ADAMTS12: variants seen among roughly 807,000 people sequenced by gnomAD.
The protein encoded by ADAMTS12 is ADAM metallopeptidase with thrombospondin type 1 motif 12.
A neutral mutation model predicts 167.8 loss-of-function variants in ADAMTS12; 118 were observed. The observed-to-expected ratio is 0.70, with a 90% confidence interval of 0.61 to 0.82. The LOEUF (loss-of-function observed/expected upper bound fraction) is 0.82, where lower values mean the gene tolerates loss of function less well. Among genes scored for constraint, ADAMTS12 ranks in the 40% least tolerant of loss-of-function variants. The pLI, the probability that ADAMTS12 is intolerant of heterozygous loss-of-function variation, is 0.00. For synonymous variants in ADAMTS12, 704 were observed against 716.9 expected, an observed-to-expected ratio of 0.98 and a Z score of 0.29; for missense variants, 1,916 against 1,998.8, an observed-to-expected ratio of 0.96 and a Z score of 0.79.
chr5:33,564,326 T>A (rs544075297), intron 19 of ADAMTS12, among the ~76,000 whole-genome samples: 1 of 151,978 alleles, frequency 6.6e-6, no homozygotes, highest in South Asian at 2.1e-4. Context: ...AGGCAGGAGG[T>A]TTAAAGCAAC....
At chr5:33,791,007 A>G (rs966217727) in intron 2 of ADAMTS12, among the ~76,000 whole-genome samples, 3 of 151,996 alleles carry the variant, frequency 2.0e-5, no homozygotes, top group African/African-American at 7.3e-5. Context: ...CCTCCACTAC[A>G]GAGCATGCGG....
rs1299590914 is a variant in ADAMTS12 at position 33,648,692 on chromosome 5, C to T, written c.1479+130G>A. 9 of 1,173,244 alleles carry T rather than the reference C, an allele frequency of 7.7e-6. No individual in the cohort carries two copies. The African/African-American group carries it at 1.1e-4, about 14-fold the overall frequency. The allele number at this position is 1,173,244 out of a possible 1,614,324, so 72.7% of individuals were successfully genotyped here. ...TTAATTGTTTTCCCTTACAGACACA[C>T]CTTGCCTTAAATATAAAGCTTCTAT... On this transcript the variant is annotated intron_variant, in intron 9 of 23. Transcript: ENST00000504830.
At position 33,658,307 on chromosome 5, in the gene ADAMTS12, C is replaced by T. The variant is rs139130530; in HGVS notation, c.1067G>A (p.Arg356His). Residue 356 changes from arginine (R) to histidine (H), a missense_variant, in exon 7 of 24, where the codon CGC becomes CAC. Transcript: ENST00000504830. ...AGACAGGCCCAGGGTCTCGCAGGGG[C>T]GATTGAAACCAGCACAGATGTCCTT... The part of the protein sequence containing the change: ...TRKDICAGFN[R>H]PCETLGLSHL... The T allele has an allele frequency of 1.9e-5, 31 of 1,613,514 alleles. No homozygotes were observed. Among genetic ancestry groups the T allele is most frequent in the African/African-American group, 1.9e-4 (14 of 74,970 alleles).
intron 2 of ADAMTS12, among the ~76,000 whole-genome samples, chr5:33,766,522 G>T (rs191415986): frequency 6.6e-6 from 1 of 152,094 alleles, no homozygotes; most frequent in South Asian, 2.1e-4. Context: ...TACTAGTAAC[G>T]TACCAATGTT....
At chr5:33,747,233 C>A (rs1744821605) in intron 3 of ADAMTS12, among the ~76,000 whole-genome samples, 1 of 152,028 alleles carries the variant, frequency 6.6e-6, no homozygotes. Context: ...ATAAAGTGGG[C>A]CTTGACTCTG....
chr5:33,545,636 A>T (rs1055185570), intron 22 of ADAMTS12, among the ~76,000 whole-genome samples: 1 of 152,218 alleles, frequency 6.6e-6, no homozygotes, highest in Middle Eastern at 3.2e-3. Context: ...TATAGACTGG[A>T]TTAAGAAAAT....
intron 22 of ADAMTS12, among the ~76,000 whole-genome samples, chr5:33,545,726 T>C (rs818345): frequency 0.32 from 48,310 of 151,678 alleles, 9,082 homozygotes; most frequent in East Asian, 0.74. Flanking sequence ...ATGGATGAAG[T>C]TGGAAACCAT....
At chr5:33,693,165 T>C (rs1337878577) in intron 3 of ADAMTS12, among the ~76,000 whole-genome samples, 2 of 152,224 alleles carry the variant, frequency 1.3e-5, no homozygotes. Context: ...CTGCAGGGCA[T>C]AAATACATTT....
chr5:33,728,975 T>C (rs1407331503), intron 3 of ADAMTS12, among the ~76,000 whole-genome samples: 3 of 152,240 alleles, frequency 2.0e-5, no homozygotes, highest in African/African-American at 7.2e-5. Flanking sequence ...TAAATGCACA[T>C]ACATATATGT....
intron 3 of ADAMTS12, among the ~76,000 whole-genome samples, chr5:33,687,105 A>C (rs562127696): frequency 6.0e-5 from 9 of 150,296 alleles, no homozygotes; most frequent in Non-Finnish European, 5.9e-5. Context: ...TTTTTTAAAG[A>C]CATCTTTAAA....
chr5:33,814,587 TC>T (rs1747580738), intron 2 of ADAMTS12, among the ~76,000 whole-genome samples: 2 of 152,112 alleles, frequency 1.3e-5, no homozygotes, highest in African/African-American at 4.8e-5. Context: ...GAAAAGCCAA[TC>T]TCAATGGAAC....
At chr5:33,704,104 T>C (rs1007025725) in intron 3 of ADAMTS12, among the ~76,000 whole-genome samples, 1 of 152,238 alleles carries the variant, frequency 6.6e-6, no homozygotes, top group Non-Finnish European at 1.5e-5. Flanking sequence ...ACTCATTCTA[T>C]TCTACAGAAT....
intron 6 of ADAMTS12, 71 bp from the exon 7 acceptor site, chr5:33,658,404 G>A (rs934477367): frequency 2.1e-5 from 33 of 1,575,014 alleles, no homozygotes; most frequent in Non-Finnish European, 2.5e-5. Context: ...AAAAAAATCT[G>A]GGTATAAACT....
At position 33,527,344 on chromosome 5, in the gene ADAMTS12, T is replaced by C. The variant is rs775827748; in HGVS notation, c.4629A>G (p.Lys1543=). ...GTGTCTGGCAGAAACTGGCTGACAG[T>C]TTGTCCTTAGTGCAAAGTAAATCTG... The part of the protein sequence containing the change: ...KSADLLCTKD[K]LSASFCQTLK... Residue 1543 remains lysine, a synonymous_variant, in exon 24 of 24, where the codon AAA becomes AAG. Transcript: ENST00000504830. 1.9e-6 allele frequency: 3 copies of C among 1,614,118 alleles called. No homozygotes were observed. In the South Asian group the frequency reaches 3.3e-5, roughly 18 times the overall value.
At position 33,762,929 on chromosome 5, in the gene ADAMTS12, T is replaced by A. The variant is rs563838309; in HGVS notation, c.490-11381A>T. ...AGATCATCTGCTTAAGGCAAGTAGA[T>A]GGGCATTTGGGAAACTGCTCTGAGG... On this transcript the variant is annotated intron_variant, in intron 2 of 23. Transcript: ENST00000504830. Among the ~76,000 whole-genome samples, 14 of 152,146 alleles carry A rather than the reference T, an allele frequency of 9.2e-5. 1 individual carries two copies. The highest frequency in any genetic ancestry group is 1.9e-4 in the Non-Finnish European group (13 of 68,034).
rs76961969 is a variant in ADAMTS12 at position 33,881,020 on chromosome 5, C to A, written c.489+99G>T. The A allele has an allele frequency of 6.5e-4, 980 of 1,510,148 alleles. 12 individuals carry two copies. In the African/African-American group the frequency reaches 0.012, roughly 19 times the overall value. The allele number at this position is 1,510,148 out of a possible 1,614,324, so 93.5% of individuals were successfully genotyped here. A position where few individuals can be genotyped will look rare whatever the true frequency, so the allele number is the denominator to read the frequency against. ...TCATCACATCACAGGGGTTCAACTC[C>A]CATATGTCAGTGCATCTGTGAACCT... On this transcript the variant is annotated intron_variant, in intron 2 of 23. Transcript: ENST00000504830.
At chr5:33,555,003 A>C (rs1745425883) in intron 20 of ADAMTS12, among the ~76,000 whole-genome samples, 1 of 152,242 alleles carries the variant, frequency 6.6e-6, no homozygotes, top group South Asian at 2.1e-4. Flanking sequence ...TCACTTCAGA[A>C]ATAAATCAAG....
chr5:33,565,662 A>G (rs1331017872), intron 19 of ADAMTS12, among the ~76,000 whole-genome samples: 1 of 131,824 alleles, frequency 7.6e-6, no homozygotes, highest in Non-Finnish European at 1.5e-5. Context: ...CACTGTTGCC[A>G]GTTTTTTGTT....
At chr5:33,750,463 G>A (rs1224747385) in intron 3 of ADAMTS12, among the ~76,000 whole-genome samples, 1 of 152,138 alleles carries the variant, frequency 6.6e-6, no homozygotes, top group Admixed American at 6.5e-5. Context: ...CTCCAGTTCT[G>A]AGTCCCTCCT....
Sources: gnomAD v4.1 joint callset for allele counts (sites outside exome capture counted in the v4.1 genomes callset) on GRCh38, gnomAD v4.1.1 for gene constraint, MANE v1.5 for transcripts, NCBI Gene and HGNC (gene_info 2026-07-23, HGNC 2026-07-21) for gene names.